OTULIN: variants seen among roughly 807,000 people sequenced by gnomAD.
OTULIN encodes OTU deubiquitinase with linear linkage specificity, also known as ubiquitin thioesterase otulin.
Under a neutral mutation model 39.6 loss-of-function variants are expected in OTULIN, and 15 were observed. That is an observed-to-expected ratio of 0.38 (90% CI 0.25 to 0.58). OTULIN has a LOEUF of 0.58. Among genes scored for constraint, OTULIN ranks in the 20% least tolerant of loss-of-function variants. The pLI is 0.66. For missense variants in OTULIN, 319 were observed against 445.9 expected, an observed-to-expected ratio of 0.72 and a Z score of 2.56; for synonymous variants, 156 against 170.3, an observed-to-expected ratio of 0.92 and a Z score of 0.65.
At chr5:14,702,779 T>C (rs1330796553), downstream of OTULIN, among the ~76,000 whole-genome samples, 2 of 152,206 alleles carry the variant, frequency 1.3e-5, no homozygotes, top group Non-Finnish European at 2.9e-5. Flanking sequence ...TATAGTATAA[T>C]GTAAAGTTTG....
At chr5:14,684,431 T>C (rs1040269913) in intron 4 of OTULIN, among the ~76,000 whole-genome samples, 1 of 152,244 alleles carries the variant, frequency 6.6e-6, no homozygotes, top group Non-Finnish European at 1.5e-5. Flanking sequence ...GCACATGCTT[T>C]GTGTTTGAGG....
the OTULIN span, chr5:14,710,854 A>T: frequency 5.6e-6 from 2 of 356,878 alleles, no homozygotes; most frequent in East Asian, 1.4e-4. Context: ...GCGATGGCAC[A>T]GCTGCAGTCC....
chr5:14,671,452 T>TTGCTTAAGCACTTTCA (rs1451687078), intron 1 of OTULIN, among the ~76,000 whole-genome samples: 1 of 152,234 alleles, frequency 6.6e-6, no homozygotes, highest in East Asian at 1.9e-4. Context: ...TGAAAGTGCT[T>TTGCTTAAGCACTTTCA]TGCTTAAATG....
At chr5:14,686,130 A>G (rs891949159) in intron 4 of OTULIN, among the ~76,000 whole-genome samples, 7 of 152,176 alleles carry the variant, frequency 4.6e-5, no homozygotes, top group African/African-American at 1.7e-4. Flanking sequence ...TTTTGTAGAA[A>G]CCACCTTAGT....
At chr5:14,716,244 G>A in the OTULIN span, among the ~76,000 whole-genome samples, 2 of 152,194 alleles carry the variant, frequency 1.3e-5, no homozygotes, top group Non-Finnish European at 2.9e-5. Flanking sequence ...GCTCACGCCT[G>A]TAATCCCAGC....
chr5:14,679,062 G>A lies in OTULIN; in HGVS notation c.324+287G>A, dbSNP rs373697972. 5.9e-5 allele frequency among the ~76,000 whole-genome samples: 9 copies of A among 152,274 alleles called. No homozygotes were observed. In the East Asian group the frequency reaches 1.2e-3, roughly 20 times the overall value. On this transcript the variant is annotated intron_variant, in intron 3 of 6. Transcript: ENST00000284274. ...GCCAGCTCTTGGTTGTCCTCTTGGG[G>A]CCATTTGGGAATGTCCTTTTTGGTC... is the stretch of plus-strand genomic sequence containing the variant.
chr5:14,716,195 A>G, the OTULIN span, among the ~76,000 whole-genome samples: 1 of 152,124 alleles, frequency 6.6e-6, no homozygotes, highest in Non-Finnish European at 1.5e-5. Context: ...TTTTGTAATC[A>G]CTGCACTTTT....
chr5:14,696,271 T>G lies in OTULIN; in HGVS notation c.*3223T>G, dbSNP rs1161057190. 1 of 152,230 alleles carries G rather than the reference T, an allele frequency of 6.6e-6. No homozygotes were observed. The highest frequency in any genetic ancestry group is 1.5e-5 in the Non-Finnish European group (1 of 68,040). The allele number at this position is 152,230 out of a possible 1,614,324, so 9.4% of individuals were successfully genotyped here. The stretch of plus-strand genomic sequence containing the variant: ...TCTCAGCATCTACATAGGACTTACA[T>G]AGACTTCCTGAATGTGTCTTCTTCA... On this transcript the variant is annotated 3_prime_UTR_variant, in exon 7 of 7. Transcript: ENST00000284274.
At chr5:14,689,180 T>TATA (rs1379642930) in intron 5 of OTULIN, among the ~76,000 whole-genome samples, 1 of 152,196 alleles carries the variant, frequency 6.6e-6, no homozygotes, top group African/African-American at 2.4e-5. Flanking sequence ...CGACTGACTT[T>TATA]AGAGCCATGT....
chr5:14,706,486 G>A, the OTULIN span: 2 of 152,152 alleles, frequency 1.3e-5, no homozygotes, highest in African/African-American at 4.8e-5. Flanking sequence ...GTCCACTCTT[G>A]AGAAGAAAAT....
intron 2 of OTULIN, among the ~76,000 whole-genome samples, chr5:14,674,461 TTGAAAGATAGAAGG>T: frequency 6.6e-6 from 1 of 152,174 alleles, no homozygotes; most frequent in Non-Finnish European, 1.5e-5. Context: ...AAAAATGGAA[TTGAAAGATAGAAGG>T]CTGGGTGTGG....
At chr5:14,688,203 C>G (rs1239116539) in intron 5 of OTULIN, among the ~76,000 whole-genome samples, 7 of 152,066 alleles carry the variant, frequency 4.6e-5, no homozygotes. Context: ...TGTGGCTTTC[C>G]ACTGTCTCCT....
the OTULIN span, chr5:14,706,407 C>A: frequency 6.6e-6 from 1 of 152,122 alleles, no homozygotes; most frequent in South Asian, 2.1e-4. Context: ...AGAGGTTTTT[C>A]AAAAATGATT....
downstream of OTULIN, among the ~76,000 whole-genome samples, chr5:14,702,891 T>C (rs1246664310): frequency 6.6e-6 from 1 of 152,210 alleles, no homozygotes; most frequent in Non-Finnish European, 1.5e-5. Flanking sequence ...CTCTAGTCAT[T>C]TTTCTGTGTT....
the OTULIN span, chr5:14,711,210 T>C: frequency 9.9e-6 from 16 of 1,613,964 alleles, 1 homozygote; most frequent in Admixed American, 2.3e-4. Context: ...TTCATTCTCC[T>C]CTCTCATTTC....
intron 5 of OTULIN, among the ~76,000 whole-genome samples, chr5:14,689,706 A>G (rs1250614190): frequency 1.3e-5 from 2 of 152,186 alleles, no homozygotes; most frequent in African/African-American, 4.8e-5. Flanking sequence ...CTTCACACAC[A>G]GGCTTCACAC....
At chr5:14,688,902 T>C (rs1736453489) in intron 5 of OTULIN, among the ~76,000 whole-genome samples, 1 of 152,216 alleles carries the variant, frequency 6.6e-6, no homozygotes, top group Admixed American at 6.5e-5. Flanking sequence ...GTTTTTCTAC[T>C]ATAATTAGAC....
At chr5:14,669,789 T>G (rs1028967634) in intron 1 of OTULIN, among the ~76,000 whole-genome samples, 1 of 152,214 alleles carries the variant, frequency 6.6e-6, no homozygotes. Flanking sequence ...TATATATAAT[T>G]TTTTAAATCG....
intron 3 of OTULIN, among the ~76,000 whole-genome samples, chr5:14,679,048 G>T (rs774965601): frequency 6.6e-6 from 1 of 152,166 alleles, no homozygotes; most frequent in Non-Finnish European, 1.5e-5. Context: ...CCAGCTCTTG[G>T]TTGTCCTCTT....
Sources: allele counts gnomAD v4.1 joint callset (sites outside exome capture counted in the v4.1 genomes callset), GRCh38; gene constraint gnomAD v4.1.1; transcripts MANE v1.5; gene names NCBI Gene and HGNC (gene_info 2026-07-23, HGNC 2026-07-21).